The following DDX10 variants were observed in gnomAD, a reference collection of about 807,000 sequenced individuals.
DDX10 encodes the protein DEAD-box helicase 10, also known as probable ATP-dependent RNA helicase DDX10.
DDX10 carries 74 observed loss-of-function variants against 104.3 expected under a neutral mutation model. The ratio of observed to expected loss-of-function variants is 0.71; its 90% CI spans 0.59 to 0.86. DDX10 has a LOEUF of 0.86. Ranked by LOEUF, DDX10 falls within the 40% of genes least tolerant of loss-of-function variation. The probability of loss-of-function intolerance (pLI) is 0.00; values close to 1 mark genes in which losing one functional copy is unlikely to be tolerated. For synonymous variants in DDX10, 351 were observed against 353.4 expected, an observed-to-expected ratio of 0.99 and a Z score of 0.08; for missense variants, 952 against 1,040.0, an observed-to-expected ratio of 0.92 and a Z score of 1.16.
chr11:108,665,470 G>T, intron 1 of DDX10, 131 bp downstream of exon 1: 7 of 1,068,138 alleles, frequency 6.6e-6, no homozygotes, highest in Non-Finnish European at 9.2e-6. Context: ...GGTCACGCCG[G>T]GTGCCACAGC....
intron 16 of DDX10, among the ~76,000 whole-genome samples, chr11:108,902,739 A>G (rs1863534421): frequency 6.6e-6 from 1 of 152,046 alleles, no homozygotes; most frequent in Admixed American, 6.6e-5. Context: ...AGCTGATGTT[A>G]AGATGCTATC....
intron 9 of DDX10, among the ~76,000 whole-genome samples, chr11:108,702,435 A>G (rs759714040): frequency 1.3e-3 from 199 of 152,194 alleles, no homozygotes; most frequent in Non-Finnish European, 2.3e-3. Context: ...GGCAGTTGTG[A>G]ATAGCGTATC....
At chr11:108,831,344 C>T (rs909731477) in intron 13 of DDX10, among the ~76,000 whole-genome samples, 1 of 142,084 alleles carries the variant, frequency 7.0e-6, no homozygotes, top group African/African-American at 2.6e-5. Context: ...GCGGAGGTTG[C>T]AGTGAGCTGA....
intron 14 of DDX10, 44 bp from the exon 15 acceptor site, chr11:108,841,271 T>C: frequency 6.4e-7 from 1 of 1,552,360 alleles, no homozygotes; most frequent in Non-Finnish European, 8.8e-7. Context: ...CTTTCTGGGG[T>C]ATTCCCTACT....
intron 15 of DDX10, among the ~76,000 whole-genome samples, chr11:108,844,251 T>A (rs924858837): frequency 1.3e-5 from 2 of 152,176 alleles, no homozygotes; most frequent in African/African-American, 4.8e-5. Flanking sequence ...TTGAAAATCT[T>A]ACCTGGAAAA....
chr11:108,889,790 T>A (rs1188096854), intron 16 of DDX10, among the ~76,000 whole-genome samples: 1 of 152,126 alleles, frequency 6.6e-6, no homozygotes, highest in Non-Finnish European at 1.5e-5. Context: ...AAAACAAGCA[T>A]GAGAATGAGA....
intron 16 of DDX10, among the ~76,000 whole-genome samples, chr11:108,911,551 CTCTTCTTTTT>C (rs1863678011): frequency 8.5e-6 from 1 of 117,662 alleles, no homozygotes; most frequent in Admixed American, 1.0e-4. Context: ...GCTTTGCCTC[CTCTTCTTTTT>C]TTTTTTTTTT....
At chr11:108,818,528 T>G (rs1222259009) in intron 13 of DDX10, among the ~76,000 whole-genome samples, 1 of 152,252 alleles carries the variant, frequency 6.6e-6, no homozygotes, top group Non-Finnish European at 1.5e-5. Flanking sequence ...AAAATTTTAG[T>G]CAACTCAACC....
rs2134605432 is a variant in DDX10 at position 108,852,005 on chromosome 11, C to T, written c.2248-148C>T. On this transcript the variant is annotated intron_variant, in intron 15 of 17. Coordinates refer to ENST00000322536, the MANE Select transcript of DDX10 (RefSeq NM_004398.4). Reference sequence around the variant, plus strand: ...TCTTAATGATTCATGAATACTTGTGCCAATCCCATAGTAGTAGTCAGTAAA... The same window carrying T: ...TCTTAATGATTCATGAATACTTGTGTCAATCCCATAGTAGTAGTCAGTAAA... 31 of 621,972 alleles carry T rather than the reference C, an allele frequency of 5.0e-5. 1 individual carries two copies. In the South Asian group the frequency reaches 6.9e-4, roughly 14 times the overall value. The allele number at this position is 621,972 out of a possible 1,614,324, so 38.5% of individuals were successfully genotyped here. A position where few individuals can be genotyped will look rare whatever the true frequency, so the allele number is the denominator to read the frequency against.
At chr11:108,761,237 G>T (rs1222632920) in intron 13 of DDX10, among the ~76,000 whole-genome samples, 1 of 152,018 alleles carries the variant, frequency 6.6e-6, no homozygotes, top group Non-Finnish European at 1.5e-5. Context: ...TTTCAACTCA[G>T]TTGATTACTC....
chr11:108,718,826 T>C (rs1428978059), intron 11 of DDX10, among the ~76,000 whole-genome samples: 1 of 152,178 alleles, frequency 6.6e-6, no homozygotes, highest in Non-Finnish European at 1.5e-5. Context: ...TTGTGGATGA[T>C]TGTAGGGGAA....
intron 17 of DDX10, among the ~76,000 whole-genome samples, chr11:108,936,249 C>T (rs1007247234): frequency 2.0e-5 from 3 of 152,100 alleles, no homozygotes; most frequent in Non-Finnish European, 4.4e-5. Flanking sequence ...TATGATACGT[C>T]CTTTCAGTGG....
chr11:108,854,826 A>C (rs561767680), intron 16 of DDX10, among the ~76,000 whole-genome samples: 1 of 152,304 alleles, frequency 6.6e-6, no homozygotes, highest in South Asian at 2.1e-4. Flanking sequence ...GTGAATTTTC[A>C]ATTTTAGAAA....
At chr11:108,820,627 G>A (rs766255074) in intron 13 of DDX10, among the ~76,000 whole-genome samples, 1 of 152,198 alleles carries the variant, frequency 6.6e-6, no homozygotes, top group African/African-American at 2.4e-5. Context: ...CGTCAGGCAC[G>A]TGGAGACTTT....
intron 13 of DDX10, among the ~76,000 whole-genome samples, chr11:108,774,952 G>A (rs1016595202): frequency 7.2e-5 from 11 of 152,200 alleles, no homozygotes; most frequent in South Asian, 6.2e-4. Context: ...CTGGGTGGCC[G>A]GCAGCATATT....
At chr11:108,862,905 A>G (rs1164920663) in intron 16 of DDX10, among the ~76,000 whole-genome samples, 1 of 152,230 alleles carries the variant, frequency 6.6e-6, no homozygotes, top group Non-Finnish European at 1.5e-5. Flanking sequence ...TGATCATTAT[A>G]TGTGACTACT....
At chr11:108,791,835 G>A (rs1861875339) in intron 13 of DDX10, among the ~76,000 whole-genome samples, 1 of 152,190 alleles carries the variant, frequency 6.6e-6, no homozygotes, top group Non-Finnish European at 1.5e-5. Context: ...ATGATAGTTA[G>A]TGTTTAAATT....
At chr11:108,780,336 A>G (rs191247510) in intron 13 of DDX10, among the ~76,000 whole-genome samples, 399 of 152,338 alleles carry the variant, frequency 2.6e-3, no homozygotes, top group African/African-American at 8.9e-3. Context: ...TCAGAGCTCC[A>G]AAAGATATAT....
chr11:108,824,263 G>A (rs1225976224), intron 13 of DDX10, among the ~76,000 whole-genome samples: 2 of 152,012 alleles, frequency 1.3e-5, no homozygotes. Context: ...GGCTCATCTC[G>A]AACTCGTGAC....
Sources: allele counts gnomAD v4.1 joint callset (sites outside exome capture counted in the v4.1 genomes callset), GRCh38; gene constraint gnomAD v4.1.1; transcripts MANE v1.5; gene names NCBI Gene and HGNC (gene_info 2026-07-23, HGNC 2026-07-21).